The following FSTL5 variants were observed in gnomAD, a reference collection of about 807,000 sequenced individuals.
FSTL5 encodes the protein follistatin-related protein 5.
Under a neutral mutation model 89.1 loss-of-function variants are expected in FSTL5, and 62 were observed. The ratio of observed to expected loss-of-function variants is 0.70; its 90% CI spans 0.57 to 0.86. The LOEUF (loss-of-function observed/expected upper bound fraction) is 0.86. Ranked by LOEUF, FSTL5 falls within the 40% of genes least tolerant of loss-of-function variation. The pLI is 0.00. For missense variants in FSTL5, 1,057 were observed against 1,001.6 expected, an observed-to-expected ratio of 1.06 and a Z score of -0.75; for synonymous variants, 383 against 346.2, an observed-to-expected ratio of 1.11 and a Z score of -1.18.
intron 7 of FSTL5, among the ~76,000 whole-genome samples, chr4:161,640,447 C>T (rs554518865): frequency 3.5e-4 from 53 of 152,122 alleles, no homozygotes; most frequent in Admixed American, 1.7e-3. Flanking sequence ...TATAAACAAG[C>T]ATCCATAAAG....
intron 3 of FSTL5, among the ~76,000 whole-genome samples, chr4:162,023,527 C>T (rs964195318): frequency 6.6e-6 from 1 of 152,088 alleles, no homozygotes; most frequent in Non-Finnish European, 1.5e-5. Flanking sequence ...ACCAAAAGAA[C>T]AAAGTATTAT....
At chr4:161,884,115 T>C (rs962359457) in intron 4 of FSTL5, among the ~76,000 whole-genome samples, 1 of 152,102 alleles carries the variant, frequency 6.6e-6, no homozygotes, top group African/African-American at 2.4e-5. Flanking sequence ...AGTGGCACGA[T>C]CTCAGCTCAC....
At chr4:161,679,477 T>C (rs1737442359) in intron 6 of FSTL5, among the ~76,000 whole-genome samples, 2 of 151,808 alleles carry the variant, frequency 1.3e-5, no homozygotes, top group Admixed American at 6.6e-5. Flanking sequence ...AAAGCTGGGA[T>C]TTAAATTCCA....
intron 6 of FSTL5, among the ~76,000 whole-genome samples, chr4:161,672,237 C>A (rs1024143299): frequency 2.0e-5 from 3 of 152,114 alleles, no homozygotes; most frequent in African/African-American, 7.2e-5. Flanking sequence ...GCTCCTCTGA[C>A]CTCCCAGAGT....
intron 4 of FSTL5, among the ~76,000 whole-genome samples, chr4:161,907,593 A>C (rs1487028116): frequency 2.0e-5 from 3 of 152,056 alleles, no homozygotes; most frequent in African/African-American, 7.2e-5. Flanking sequence ...TGGTTTTCTA[A>C]ATTATTAAAT....
chr4:162,101,156 T>C (rs1358862481), intron 2 of FSTL5, among the ~76,000 whole-genome samples: 1 of 152,200 alleles, frequency 6.6e-6, no homozygotes, highest in Non-Finnish European at 1.5e-5. Context: ...CCTGCTTTTA[T>C]TTTCATAGAG....
chr4:162,142,456 G>C (rs1014371198), intron 1 of FSTL5, among the ~76,000 whole-genome samples: 2 of 152,152 alleles, frequency 1.3e-5, no homozygotes, highest in African/African-American at 4.8e-5. Context: ...ATTTGAGACA[G>C]TGGATAGAGA....
At chr4:161,911,601 A>G (rs1270098354) in intron 4 of FSTL5, among the ~76,000 whole-genome samples, 1 of 152,220 alleles carries the variant, frequency 6.6e-6, no homozygotes, top group African/African-American at 2.4e-5. Flanking sequence ...TATCACATAA[A>G]GAAAGACATG....
chr4:161,854,949 G>C (rs1731677549), intron 4 of FSTL5, among the ~76,000 whole-genome samples: 2 of 151,286 alleles, frequency 1.3e-5, no homozygotes, highest in South Asian at 2.1e-4. Flanking sequence ...AACAATGTTG[G>C]TTAAGTCAAT....
chr4:162,040,865 T>C (rs1342488512), intron 2 of FSTL5, among the ~76,000 whole-genome samples: 1 of 152,012 alleles, frequency 6.6e-6, no homozygotes, highest in Non-Finnish European at 1.5e-5. Context: ...AAGAATAATA[T>C]ATGCTTGTCC....
intron 1 of FSTL5, among the ~76,000 whole-genome samples, chr4:162,142,861 G>T (rs1430147959): frequency 6.6e-6 from 1 of 152,118 alleles, no homozygotes; most frequent in Non-Finnish European, 1.5e-5. Flanking sequence ...GCTTTCATCT[G>T]TGTAATCTTT....
Position 162,077,860 on chromosome 4 carries a change from G to A in FSTL5, c.126+33411C>T, listed in dbSNP as rs143787755. 1.1e-4 allele frequency among the ~76,000 whole-genome samples: 17 copies of A among 151,788 alleles called. No individual in the cohort carries two copies. In the East Asian group the frequency reaches 3.3e-3, roughly 30 times the overall value. On this transcript the variant is annotated intron_variant, in intron 2 of 15. Transcript: ENST00000306100. ...GAGTTCTAAAGTTTCTTAATATATT[G>A]CAATATATTAAACAAAGCACTCAAG...
intron 15 of FSTL5, chr4:161,386,705 T>G (rs1730663642): frequency 2.5e-6 from 1 of 403,468 alleles, no homozygotes. Context: ...TACATCTAGT[T>G]AATTGCAGCA....
At chr4:161,553,330 A>G (rs1016548373) in intron 8 of FSTL5, among the ~76,000 whole-genome samples, 20 of 151,524 alleles carry the variant, frequency 1.3e-4, no homozygotes, top group Non-Finnish European at 7.4e-5. Flanking sequence ...AATTTATTCT[A>G]CAAAAATGTA....
intron 7 of FSTL5, among the ~76,000 whole-genome samples, chr4:161,611,253 T>TATATATATATAA (rs1734637262): frequency 6.9e-6 from 1 of 145,954 alleles, no homozygotes; most frequent in East Asian, 2.0e-4. Context: ...TATATATATA[T>TATATATATATAA]ATATATATAT....
At chr4:161,862,185 G>GT (rs1731938334) in intron 4 of FSTL5, among the ~76,000 whole-genome samples, 1 of 152,084 alleles carries the variant, frequency 6.6e-6, no homozygotes, top group Admixed American at 6.6e-5. Flanking sequence ...TTGCTTTTTA[G>GT]TAGTTAAAAT....
In FSTL5 at chr4:161,926,455, GA is replaced by G. The variant is rs924229342; in HGVS notation, c.161-5804del. Among the ~76,000 whole-genome samples the G allele has an allele frequency of 2.7e-5, 4 of 146,720 alleles. No individual in the cohort carries two copies. The Admixed American group carries it at 2.8e-4, about 10-fold the overall frequency. ...AGAGGCCGTATGAAAATAATAAGTA[GA>G]AAAAAGCCAGAGATCCAGGTAATTT... On this transcript the variant is annotated intron_variant, in intron 3 of 15. Coordinates refer to ENST00000306100, the MANE Select transcript of FSTL5 (RefSeq NM_020116.5).
intron 3 of FSTL5, among the ~76,000 whole-genome samples, chr4:161,931,361 T>A (rs1259434541): frequency 1.3e-5 from 2 of 151,780 alleles, no homozygotes; most frequent in Non-Finnish European, 2.9e-5. Flanking sequence ...AGAACAGCTA[T>A]AAGAAATCAA....
At chr4:161,398,258 T>C in intron 15 of FSTL5, among the ~76,000 whole-genome samples, 1 of 152,066 alleles carries the variant, frequency 6.6e-6, no homozygotes, top group East Asian at 1.9e-4. Flanking sequence ...TATTCAAATG[T>C]AAAACATTAG....
Sources: gnomAD v4.1 joint callset for allele counts (sites outside exome capture counted in the v4.1 genomes callset) on GRCh38, gnomAD v4.1.1 for gene constraint, MANE v1.5 for transcripts, NCBI Gene and HGNC (gene_info 2026-07-23, HGNC 2026-07-21) for gene names.